The following GK variants were observed in gnomAD, a reference collection of about 807,000 sequenced individuals.
GK encodes the protein glycerol kinase.
GK carries 9 observed loss-of-function variants against 56.4 expected under a neutral mutation model. That is an observed-to-expected ratio of 0.16 (90% CI 0.10 to 0.28). The LOEUF (loss-of-function observed/expected upper bound fraction) is 0.28. Among genes scored for constraint, GK ranks in the 10% least tolerant of loss-of-function variants. GK has a pLI of 1.00. For missense variants in GK, 161 were observed against 431.4 expected (o/e 0.37, Z 5.55); for synonymous variants, 104 against 144.1 (o/e 0.72, Z 1.99).
intron 1 of GK, among the ~76,000 whole-genome samples, chrX:30,656,379 C>T (rs1302980860): frequency 2.7e-5 from 3 of 112,208 alleles, no homozygotes; most frequent in Non-Finnish European, 5.6e-5. Flanking sequence ...GCATATTTAA[C>T]TTGACTTTCC....
rs1490549536 is a variant in GK at position 30,692,663 on chromosome X, G to A, written c.414+1464G>A. Among the ~76,000 whole-genome samples, 6 of 109,879 alleles carry A rather than the reference G, an allele frequency of 5.5e-5. No individual in the cohort carries two copies. The Admixed American group carries it at 5.9e-4, about 11-fold the overall frequency. On this transcript the variant is annotated intron_variant, in intron 5 of 20. Coordinates refer to ENST00000427190, the MANE Select transcript of GK (RefSeq NM_001205019.2). ...CCGGCTAATTTTTATTCTATTTTTA[G>A]TGGCCAGGCTGGCCTCAAACTCCTG... is the stretch of plus-strand genomic sequence containing the variant.
rs1487848791 is a variant in GK, at chrX:30,653,438, G to A, written c.-100G>A. ...CGCGGTCCGAGCGTTCAGCGGACGC[G>A]CGCGGCCTCGATCTCTGGACTCGTC... On this transcript the variant is annotated 5_prime_UTR_variant, in exon 1 of 21. Transcript: ENST00000427190. The A allele has an allele frequency of 1.2e-5, 9 of 732,781 alleles. No homozygotes were observed. Among genetic ancestry groups the A allele is most frequent in the Non-Finnish European group, 1.9e-5 (9 of 462,951 alleles). The allele number at this position is 732,781 out of a possible 1,213,427, so 60.4% of individuals were successfully genotyped here.
At chrX:30,677,970 C>T (rs183900383) in intron 4 of GK, 1 of 543,813 alleles carries the variant, frequency 1.8e-6, no homozygotes, top group East Asian at 3.3e-5. Context: ...TGAATTAACT[C>T]TCCCATGCTC....
intron 20 of GK, among the ~76,000 whole-genome samples, 158 bp downstream of exon 20, chrX:30,727,710 G>A (rs976709810): frequency 1.8e-5 from 2 of 110,873 alleles, no homozygotes; most frequent in African/African-American, 6.6e-5. Context: ...ATCTTTGGGG[G>A]CAGTTAGAAG....
chrX:30,684,666 C>CA (rs60771873), intron 4 of GK, among the ~76,000 whole-genome samples: 370 of 32,388 alleles, frequency 0.011, 41 homozygotes, highest in Middle Eastern at 0.026. Flanking sequence ...AACTCCATCT[C>CA]AAAAAAAAAA....
rs1937034886 is a variant in GK at position 30,724,119 on chromosome X, C to T, written c.1520C>T (p.Ser507Phe). The T allele has an allele frequency of 8.6e-7, 1 of 1,169,552 alleles. No homozygotes were observed. Among genetic ancestry groups the T allele is most frequent in the African/African-American group, 1.8e-5 (1 of 57,071 alleles). Residue 507 changes from serine (S) to phenylalanine (F), a missense_variant, in exon 19 of 21, where the codon TCT becomes TTT. By Grantham distance (155) the Ser-to-Phe change is radical (BLOSUM62 -2). Transcript: ENST00000427190. ...ATTCTAGAAAGTGAAATTCGTTATTCTACATGGAAGAAAGCTGTGATGAAG... is the reference window on the plus strand; with the variant it reads ...ATTCTAGAAAGTGAAATTCGTTATTTTACATGGAAGAAAGCTGTGATGAAG... Reference protein sequence around the residue: ...INAEESEIRYSTWKKAVMKSM... With the variant: ...INAEESEIRYFTWKKAVMKSM...
At chrX:30,703,276 G>A (rs1298331078) in intron 11 of GK, among the ~76,000 whole-genome samples, 1 of 111,986 alleles carries the variant, frequency 8.9e-6, no homozygotes, top group Non-Finnish European at 1.9e-5. Flanking sequence ...AGGCTAAGGA[G>A]CTTTTCTTGA....
intron 2 of GK, 130 bp from the exon 3 acceptor site, chrX:30,667,882 A>G: frequency 2.0e-6 from 1 of 488,891 alleles, no homozygotes; most frequent in Admixed American, 3.3e-5. Context: ...TGTGGAATGT[A>G]ATTTGCTTTG....
intron 8 of GK, among the ~76,000 whole-genome samples, chrX:30,697,421 A>G (rs1935300586): frequency 8.9e-6 from 1 of 112,131 alleles, no homozygotes; most frequent in Non-Finnish European, 1.9e-5. Flanking sequence ...AAAGTTAATA[A>G]TAATATAGAT....
chrX:30,653,710 G>C, intron 1 of GK, 95 bp downstream of exon 1: 1 of 829,008 alleles, frequency 1.2e-6, no homozygotes, highest in South Asian at 2.1e-5. Flanking sequence ...GCATCTCTCC[G>C]GCCCGGTGCC....
chrX:30,707,406 A>G (rs1033177611), intron 11 of GK, 150 bp from the exon 12 acceptor site: 1 of 410,348 alleles, frequency 2.4e-6, no homozygotes, highest in African/African-American at 2.6e-5. Context: ...AGGAAGATAT[A>G]TGATTTTTGT....
intron 4 of GK, among the ~76,000 whole-genome samples, chrX:30,688,715 G>A (rs1934762029): frequency 9.0e-6 from 1 of 111,336 alleles, no homozygotes; most frequent in African/African-American, 3.3e-5. Context: ...AAGAACCACT[G>A]CCGTGAAGTC....
intron 13 of GK, among the ~76,000 whole-genome samples, chrX:30,709,391 A>G (rs745506600): frequency 9.9e-5 from 11 of 111,586 alleles, no homozygotes; most frequent in African/African-American, 3.3e-4. Flanking sequence ...CAGCACCCAA[A>G]GTTGCTTCTT....
chrX:30,713,463 A>G (rs1349635534), intron 13 of GK, among the ~76,000 whole-genome samples: 1 of 111,340 alleles, frequency 9.0e-6, no homozygotes, highest in Non-Finnish European at 1.9e-5. Flanking sequence ...AACAAAGGGG[A>G]TTTTTGAAGT....
chrX:30,721,041 C>T, intron 18 of GK, 46 bp downstream of exon 18: 11 of 1,127,579 alleles, frequency 9.8e-6, no homozygotes, highest in Non-Finnish European at 1.1e-5. Context: ...GTGAAAACGA[C>T]CTTAGTGCAC....
intron 13 of GK, among the ~76,000 whole-genome samples, chrX:30,713,569 A>G (rs1321225884): frequency 8.9e-6 from 1 of 111,974 alleles, no homozygotes; most frequent in Admixed American, 9.4e-5. Context: ...GGCAGGTGAT[A>G]GTAAGGCCTG....
chrX:30,678,224 T>C (rs1934043097), intron 4 of GK: 1 of 399,245 alleles, frequency 2.5e-6, no homozygotes, highest in Non-Finnish European at 4.3e-6. Flanking sequence ...TCTACAAATG[T>C]GGCTATTTGA....
In GK at chrX:30,699,931, T is replaced by C. The variant is rs767277668; in HGVS notation, c.748-483T>C. 2.1e-3 allele frequency: 236 copies of C among 114,979 alleles called. 1 individual carries two copies. Among genetic ancestry groups the C allele is most frequent in the African/African-American group, 7.2e-3 (224 of 30,935 alleles). The allele number at this position is 114,979 out of a possible 1,213,427, so 9.5% of individuals were successfully genotyped here. ...GAACACTCTTGTGTTTAGAGCAGCT[T>C]GAGTAGAAAGAAAAGTTGCTAAAAT... On this transcript the variant is annotated intron_variant, in intron 9 of 20. Coordinates refer to ENST00000427190, the MANE Select transcript of GK (RefSeq NM_001205019.2).
rs1234204095 is a variant in GK at position 30,724,154 on chromosome X, T to G, written c.1555T>G (p.Trp519Gly). The change falls in exon 19 of 21, where the codon TGG (tryptophan) becomes GGG (glycine). Residue 519 changes from tryptophan (W) to glycine (G), a missense_variant. By Grantham distance (184) the Trp-to-Gly change is radical (BLOSUM62 -2). Transcript: ENST00000427190. ...GAAAGCTGTGATGAAGTCAATGGGT[T>G]GGGTTACAACTCAATCTCCAGAAAG... ...WKKAVMKSMG[W>G]VTTQSPESGD... 1 of 1,170,049 alleles carries G rather than the reference T, an allele frequency of 8.5e-7. No individual in the cohort carries two copies. Among genetic ancestry groups the G allele is most frequent in the African/African-American group, 1.8e-5 (1 of 56,630 alleles).
Sources: gnomAD v4.1 joint callset for allele counts (sites outside exome capture counted in the v4.1 genomes callset) on GRCh38, gnomAD v4.1.1 for gene constraint, MANE v1.5 for transcripts, NCBI Gene and HGNC (gene_info 2026-07-23, HGNC 2026-07-21) for gene names.